The following CDIP1 variants were observed in gnomAD, a reference collection of about 807,000 sequenced individuals.
The protein encoded by CDIP1 is cell death inducing p53 target 1, also known as cell death-inducing p53-target protein 1.
In CDIP1, 9 loss-of-function variants were observed where a neutral mutation model predicts 17.7. The observed-to-expected ratio is 0.51, with a 90% CI of 0.31 to 0.89. The LOEUF is 0.89. CDIP1 is among the 40% of genes least tolerant of loss of function. The probability of loss-of-function intolerance (pLI) is 0.05; values close to 1 mark genes in which losing one functional copy is unlikely to be tolerated. For missense variants in CDIP1, 263 were observed against 277.9 expected, an observed-to-expected ratio of 0.95 and a Z score of 0.38; for synonymous variants, 117 against 109.5, an observed-to-expected ratio of 1.07 and a Z score of -0.43.
intron 1 of CDIP1, among the ~76,000 whole-genome samples, chr16:4,530,933 C>A (rs958459138): frequency 3.9e-5 from 6 of 152,114 alleles, no homozygotes; most frequent in African/African-American, 1.4e-4. Flanking sequence ...AAGTCAACAT[C>A]TGGCCCTGAG....
intron 1 of CDIP1, among the ~76,000 whole-genome samples, chr16:4,516,254 A>G (rs1478885662): frequency 6.6e-6 from 1 of 152,192 alleles, no homozygotes; most frequent in Admixed American, 6.5e-5. Context: ...GTAGCTGTTT[A>G]GGTCTGGGGG....
At position 4,514,487 on chromosome 16, in the gene CDIP1, T is replaced by G; in HGVS notation, c.-15+88A>C. The G allele has an allele frequency of 3.7e-5, 9 of 241,186 alleles. No individual in the cohort carries two copies. The highest frequency in any genetic ancestry group is 4.0e-5 in the Non-Finnish European group (5 of 126,410). The allele number at this position is 241,186 out of a possible 1,614,324, so 14.9% of individuals were successfully genotyped here. Reference sequence around the variant, plus strand: ...CCGAGCTCTCCCCTCCCCAAACGTTTAGCGGGCACTAAGGCAGTCGGAGGA... The same window carrying G: ...CCGAGCTCTCCCCTCCCCAAACGTTGAGCGGGCACTAAGGCAGTCGGAGGA... On this transcript the variant is annotated intron_variant, in intron 2 of 5. Coordinates refer to ENST00000567695, the MANE Select transcript of CDIP1 (RefSeq NM_013399.3). The surrounding 1 kb of genome is among the most constrained non-coding windows in gnomAD (Gnocchi z 5.2).
chr16:4,519,252 A>G (rs953027264), intron 1 of CDIP1, among the ~76,000 whole-genome samples: 7 of 152,144 alleles, frequency 4.6e-5, no homozygotes, highest in African/African-American at 1.7e-4. Flanking sequence ...AACAGAAAAG[A>G]CTTCTGTGGC....
chr16:4,524,198 T>C (rs1420196612), intron 1 of CDIP1: 1 of 152,130 alleles, frequency 6.6e-6, no homozygotes, highest in Non-Finnish European at 1.5e-5. Context: ...CTGAACAAAA[T>C]CCCACATGTA....
Position 4,512,792 on chromosome 16 carries a change from C to T in CDIP1, c.514G>A (p.Gly172Arg), listed in dbSNP as rs1298235933. The T allele has an allele frequency of 6.3e-7, 1 of 1,582,146 alleles. No individual in the cohort carries two copies. Among genetic ancestry groups the T allele is most frequent in the Non-Finnish European group, 8.6e-7 (1 of 1,163,744 alleles). Reference protein sequence around the residue: ...FVLGFFCCFMGCDLGCCLIPC... With the variant: ...FVLGFFCCFMRCDLGCCLIPC... ...CCTACCAGTGCCCACACCACCTACCCCATGAAGCAACAGAAGAAACCCAGC... is the reference window on the plus strand; with the variant it reads ...CCTACCAGTGCCCACACCACCTACCTCATGAAGCAACAGAAGAAACCCAGC... Residue 172 changes from glycine to arginine, a missense_variant and splice_region_variant, in exon 5 of 6, where the codon GGA (glycine) becomes AGA (arginine). Coordinates refer to ENST00000567695, the MANE Select transcript of CDIP1 (RefSeq NM_013399.3). This position sits in a 1 kb window ranked among gnomAD's most constrained non-coding sequence, Gnocchi z 4.6.
chr16:4,521,412 G>A (rs2058946809), intron 1 of CDIP1, among the ~76,000 whole-genome samples: 1 of 152,116 alleles, frequency 6.6e-6, no homozygotes, highest in South Asian at 2.1e-4. Flanking sequence ...CAAGTGCAGG[G>A]CTGGGACAGG....
chr16:4,528,094 A>G (rs2059018140), intron 1 of CDIP1, among the ~76,000 whole-genome samples: 1 of 152,190 alleles, frequency 6.6e-6, no homozygotes, highest in Admixed American at 6.6e-5. Flanking sequence ...TGGAATTACA[A>G]GCATGAGCCA....
intron 1 of CDIP1, among the ~76,000 whole-genome samples, chr16:4,523,282 G>C (rs568630000): frequency 6.1e-4 from 93 of 152,304 alleles, no homozygotes; most frequent in African/African-American, 2.2e-3. Context: ...TTGGGAGGCT[G>C]AGGAGGGCGG....
At chr16:4,530,916 T>C (rs993555110) in intron 1 of CDIP1, among the ~76,000 whole-genome samples, 42 of 152,138 alleles carry the variant, frequency 2.8e-4, no homozygotes, top group African/African-American at 9.7e-4. Context: ...TAAGTTCCTG[T>C]AACTCTAAGT....
chr16:4,535,167 A>C (rs2059095296), intron 1 of CDIP1, among the ~76,000 whole-genome samples: 1 of 152,024 alleles, frequency 6.6e-6, no homozygotes, highest in African/African-American at 2.4e-5. Context: ...TTGGGGGAAA[A>C]ACCCAGACAC....
rs191753031 is a variant in CDIP1 at position 4,526,665 on chromosome 16, A to G, written c.-104-12001T>C. On this transcript the variant is annotated intron_variant, in intron 1 of 5. Transcript: ENST00000567695. ...CAGTGAGCTGAGATCGCGCCACTAC[A>G]CTCCAGCCTGGGCAACAGAGTGAGA... Among the ~76,000 whole-genome samples, 429 of 151,682 alleles carry G rather than the reference A, an allele frequency of 2.8e-3. 3 individuals carry two copies. The highest frequency in any genetic ancestry group is 4.6e-3 in the Non-Finnish European group (314 of 67,880).
chr16:4,516,952 A>G (rs1383976025), intron 1 of CDIP1, among the ~76,000 whole-genome samples: 1 of 152,100 alleles, frequency 6.6e-6, no homozygotes, highest in African/African-American at 2.4e-5. Context: ...TGTGTCACAC[A>G]TATTCCATCT....
At chr16:4,523,962 G>A (rs1485938093) in intron 1 of CDIP1, 10 of 152,182 alleles carry the variant, frequency 6.6e-5, no homozygotes, top group Non-Finnish European at 1.3e-4. Flanking sequence ...CTTCTCCTCA[G>A]GCTTTAGGCT....
chr16:4,523,760 AG>A (rs1399021910), intron 1 of CDIP1: 2 of 152,330 alleles, frequency 1.3e-5, no homozygotes, highest in Admixed American at 1.3e-4. Flanking sequence ...CAGCAGGCAA[AG>A]GGAGGGATGG....
chr16:4,519,139 G>T (rs1022110096), intron 1 of CDIP1, among the ~76,000 whole-genome samples: 1 of 152,216 alleles, frequency 6.6e-6, no homozygotes, highest in Non-Finnish European at 1.5e-5. Context: ...TGGAAGACCA[G>T]AGGCCTCTGC....
chr16:4,517,458 G>C lies in CDIP1; in HGVS notation c.-104-2794C>G, dbSNP rs3761682. The stretch of plus-strand genomic sequence containing the variant: ...GGTTAAGAAAAGGGAGCAGTGGCCA[G>C]GTGCAGGGACTTATTCCTGTAATCT... On this transcript the variant is annotated intron_variant, in intron 1 of 5. Coordinates refer to ENST00000567695, the MANE Select transcript of CDIP1 (RefSeq NM_013399.3). Among the ~76,000 whole-genome samples, 1,205 of 152,252 alleles carry C rather than the reference G, an allele frequency of 7.9e-3. 112 individuals are homozygous for C. The East Asian group carries it at 0.19, about 23-fold the overall frequency.
intron 1 of CDIP1, among the ~76,000 whole-genome samples, chr16:4,524,716 C>T (rs1421522966): frequency 6.6e-6 from 1 of 152,198 alleles, no homozygotes; most frequent in Non-Finnish European, 1.5e-5. Context: ...TAACTGACCA[C>T]CTCCCACATC....
At chr16:4,531,640 G>A (rs545066464) in intron 1 of CDIP1, among the ~76,000 whole-genome samples, 7 of 152,356 alleles carry the variant, frequency 4.6e-5, no homozygotes, top group Non-Finnish European at 1.0e-4. Flanking sequence ...TCTCCGAGGA[G>A]AGAAGTGGCT....
At chr16:4,534,681 G>A (rs1430937613) in intron 1 of CDIP1, among the ~76,000 whole-genome samples, 1 of 143,840 alleles carries the variant, frequency 7.0e-6, no homozygotes, top group Non-Finnish European at 1.5e-5. Context: ...TGAGGCCGCT[G>A]TTTGCATGGT....
Sources: gnomAD v4.1 joint callset for allele counts (sites outside exome capture counted in the v4.1 genomes callset) on GRCh38, gnomAD v4.1.1 for gene constraint, Gnocchi (gnomAD v3.1) non-coding constraint, MANE v1.5 for transcripts, NCBI Gene and HGNC (gene_info 2026-07-23, HGNC 2026-07-21) for gene names.